WDR25: variants seen among roughly 807,000 people sequenced by gnomAD.
The protein encoded by WDR25 is WD repeat domain 25, also known as WD repeat-containing protein 25.
Under a neutral mutation model 47.7 loss-of-function variants are expected in WDR25, and 35 were observed. The observed-to-expected ratio is 0.73, with a 90% CI of 0.56 to 0.97. The LOEUF (loss-of-function observed/expected upper bound fraction) is 0.97. Among genes scored for constraint, WDR25 ranks in the 50% least tolerant of loss-of-function variants. The probability of loss-of-function intolerance (pLI) is 0.00; values close to 1 mark genes in which losing one functional copy is unlikely to be tolerated. For synonymous variants in WDR25, 248 were observed against 278.9 expected (o/e 0.89, Z 1.10); for missense variants, 634 against 704.7 (o/e 0.90, Z 1.14).
chr14:100,468,757 C>T lies in WDR25; in HGVS notation c.970+589C>T, dbSNP rs1899728830. 6.6e-6 allele frequency among the ~76,000 whole-genome samples: 1 copy of T among 152,028 alleles called. No individual in the cohort carries two copies. Among genetic ancestry groups the T allele is most frequent in the African/African-American group, 2.4e-5 (1 of 41,388 alleles). On this transcript the variant is annotated intron_variant, in intron 3 of 6. Transcript: ENST00000402312. This position sits in a 1 kb window ranked among gnomAD's most constrained non-coding sequence, Gnocchi z 4.5. ...CCTGTGCAACAGGCACTGTCAATAC[C>T]CACCGCAGCCACAGCCCCCAGGTGG...
At chr14:100,395,761 A>G (rs1367596041) in intron 2 of WDR25, among the ~76,000 whole-genome samples, 2 of 152,128 alleles carry the variant, frequency 1.3e-5, no homozygotes, top group African/African-American at 4.8e-5. Context: ...TCAGTCGACC[A>G]TGCTCTTTGT....
At chr14:100,495,879 A>G (rs960853686) in intron 4 of WDR25, among the ~76,000 whole-genome samples, 4 of 152,132 alleles carry the variant, frequency 2.6e-5, no homozygotes, top group African/African-American at 4.8e-5. Context: ...TAGGTGATGG[A>G]CGTTTGCATT....
At chr14:100,435,351 AAGG>A (rs1195199126) in intron 2 of WDR25, among the ~76,000 whole-genome samples, 1 of 152,240 alleles carries the variant, frequency 6.6e-6, no homozygotes, top group African/African-American at 2.4e-5. Context: ...ACCCAGGAGA[AAGG>A]AGGAGCTATT....
intron 2 of WDR25, among the ~76,000 whole-genome samples, chr14:100,423,721 A>T (rs1348965666): frequency 6.6e-6 from 1 of 152,172 alleles, no homozygotes; most frequent in South Asian, 2.1e-4. Context: ...GGAGAACATT[A>T]TCTTCTCTGC....
intron 2 of WDR25, among the ~76,000 whole-genome samples, chr14:100,406,425 CT>C (rs1566894167): frequency 6.6e-6 from 1 of 152,200 alleles, no homozygotes; most frequent in Admixed American, 6.5e-5. Flanking sequence ...ATAGGAGTCA[CT>C]TTTAGGCATT....
intron 4 of WDR25, among the ~76,000 whole-genome samples, chr14:100,518,590 C>T (rs1475159513): frequency 1.3e-5 from 2 of 152,032 alleles, no homozygotes; most frequent in Non-Finnish European, 2.9e-5. Flanking sequence ...TCACCTTCTC[C>T]TTTAAGAACT....
intron 2 of WDR25, among the ~76,000 whole-genome samples, chr14:100,389,486 A>G (rs1043664403): frequency 6.6e-6 from 1 of 152,170 alleles, no homozygotes; most frequent in Admixed American, 6.5e-5. Flanking sequence ...CCAGATGAAC[A>G]CAGCTCTCAT....
Position 100,407,172 on chromosome 14 carries a change from G to A in WDR25, c.822+25426G>A, listed in dbSNP as rs1026975246. On this transcript the variant is annotated intron_variant, in intron 2 of 6. Transcript: ENST00000402312. This position sits in a 1 kb window ranked among gnomAD's most constrained non-coding sequence, Gnocchi z 4.1. Reference sequence around the variant, plus strand: ...AACCGGAGAGTTTCTGAGAGATTAGGTGATGATATATACTCAGAGCTCAGA... The same window carrying A: ...AACCGGAGAGTTTCTGAGAGATTAGATGATGATATATACTCAGAGCTCAGA... 1 of 152,242 alleles carries A rather than the reference G, an allele frequency of 6.6e-6. No individual in the cohort carries two copies. The highest frequency in any genetic ancestry group is 1.5e-5 in the Non-Finnish European group (1 of 68,056). 9.4% of individuals were successfully genotyped at this position (152,242 alleles called of 1,614,324 possible).
Position 100,443,692 on chromosome 14 carries a change from C to T in WDR25, c.823-24329C>T, listed in dbSNP as rs77445277. ...AAAGCATGCATTATTTAGAGCCTGT[C>T]GCCTCTTGAAGTTCTTTAATTACAG... On this transcript the variant is annotated intron_variant, in intron 2 of 6. Transcript: ENST00000402312. Among the ~76,000 whole-genome samples the T allele has an allele frequency of 2.1e-3, 324 of 152,254 alleles. 9 individuals carry two copies. The highest frequency in any genetic ancestry group is 5.6e-3 in the East Asian group (29 of 5,190).
intron 2 of WDR25, among the ~76,000 whole-genome samples, chr14:100,464,532 T>C (rs915672918): frequency 6.6e-6 from 1 of 152,154 alleles, no homozygotes; most frequent in Non-Finnish European, 1.5e-5. Context: ...CTTTGTTGAA[T>C]GAATGAATAA....
chr14:100,459,894 G>GTGTA (rs1172584092), intron 2 of WDR25, among the ~76,000 whole-genome samples: 273 of 78,130 alleles, frequency 3.5e-3, no homozygotes, highest in Non-Finnish European at 5.6e-3. Flanking sequence ...GTGTGTGTGT[G>GTGTA]TATATATATA....
chr14:100,525,804 C>A lies in WDR25; in HGVS notation c.1102-66C>A. ...CCTGCCTGCCCCCTGGGTCCTTGGCCTTCCCTGCATAGGCGCCTGTCCGTG... is the reference window on the plus strand; with the variant it reads ...CCTGCCTGCCCCCTGGGTCCTTGGCATTCCCTGCATAGGCGCCTGTCCGTG... On this transcript the variant is annotated intron_variant, in intron 4 of 6. Transcript: ENST00000402312. The surrounding 1 kb of genome is among the most constrained non-coding windows in gnomAD (Gnocchi z 4.6). 6.3e-7 allele frequency: 1 copy of A among 1,579,180 alleles called. No individual in the cohort carries two copies. The highest frequency in any genetic ancestry group is 8.6e-7 in the Non-Finnish European group (1 of 1,161,518).
intron 2 of WDR25, among the ~76,000 whole-genome samples, chr14:100,437,410 C>G (rs867083380): frequency 6.6e-6 from 1 of 152,114 alleles, no homozygotes; most frequent in Non-Finnish European, 1.5e-5. Flanking sequence ...GTTTCAGTGC[C>G]CAAGAAGTGG....
At chr14:100,474,544 C>G (rs1899953596) in intron 3 of WDR25, among the ~76,000 whole-genome samples, 2 of 152,234 alleles carry the variant, frequency 1.3e-5, no homozygotes, top group South Asian at 2.1e-4. Flanking sequence ...TTGACTGACT[C>G]TGGAGCCCAA....
chr14:100,441,366 C>T (rs542740424), intron 2 of WDR25, among the ~76,000 whole-genome samples: 2 of 152,216 alleles, frequency 1.3e-5, no homozygotes, highest in South Asian at 2.1e-4. Flanking sequence ...GGGCCACCCT[C>T]ACTGCCTAGG....
intron 2 of WDR25, among the ~76,000 whole-genome samples, chr14:100,416,629 C>G (rs1181892828): frequency 6.6e-6 from 1 of 152,132 alleles, no homozygotes; most frequent in Non-Finnish European, 1.5e-5. Context: ...CTCTCTGTAC[C>G]CATTCCTTGA....
intron 2 of WDR25, among the ~76,000 whole-genome samples, chr14:100,418,793 C>G (rs1010899415): frequency 1.3e-5 from 2 of 152,068 alleles, no homozygotes; most frequent in Admixed American, 1.3e-4. Context: ...CACGCCACAC[C>G]TACTCCGGGA....
chr14:100,462,119 C>T lies in WDR25; in HGVS notation c.823-5902C>T, dbSNP rs573629936. ...AACATGACCTGTGGCTAGATCAATA[C>T]TTGTTCAATCTTTGGAGACTGTGAG... is the stretch of plus-strand genomic sequence containing the variant. On this transcript the variant is annotated intron_variant, in intron 2 of 6. Transcript: ENST00000402312. Among the ~76,000 whole-genome samples the T allele has an allele frequency of 7.9e-5, 12 of 152,262 alleles. No homozygotes were observed. The East Asian group carries it at 2.3e-3, about 29-fold the overall frequency.
At chr14:100,426,990 G>A (rs1159410653) in intron 2 of WDR25, among the ~76,000 whole-genome samples, 1 of 152,070 alleles carries the variant, frequency 6.6e-6, no homozygotes, top group Non-Finnish European at 1.5e-5. Context: ...ATCACTCGGG[G>A]GCTTGCTTAA....
Sources: gnomAD v4.1 joint callset for allele counts (sites outside exome capture counted in the v4.1 genomes callset) on GRCh38, gnomAD v4.1.1 for gene constraint, Gnocchi (gnomAD v3.1) non-coding constraint, MANE v1.5 for transcripts, NCBI Gene and HGNC (gene_info 2026-07-23, HGNC 2026-07-21) for gene names.